Variants in LTBP4 observed in about 807,000 individuals in gnomAD.
The protein encoded by LTBP4 is latent transforming growth factor beta binding protein 4.
Under a neutral mutation model 180.2 loss-of-function variants are expected in LTBP4, and 93 were observed. That is an observed-to-expected ratio of 0.52 (90% CI 0.44 to 0.61). The LOEUF is 0.61. LTBP4 is among the 20% of genes least tolerant of loss of function. LTBP4 has a pLI of 0.00. For synonymous variants in LTBP4, 947 were observed against 934.5 expected (o/e 1.01, Z -0.24); for missense variants, 2,116 against 2,256.5 (o/e 0.94, Z 1.26).
chr19:40,601,615 G>T lies in LTBP4; in HGVS notation c.228G>T (p.Pro76=). The T allele has an allele frequency of 7.3e-7, 1 of 1,375,668 alleles. No homozygotes were observed. The highest frequency in any genetic ancestry group is 9.3e-7 in the Non-Finnish European group (1 of 1,071,726). 85.2% of individuals were successfully genotyped at this position (1,375,668 alleles called of 1,614,324 possible). Residue 76 remains proline (P), a synonymous_variant, in exon 1 of 30, where the codon CCG becomes CCT. Coordinates refer to ENST00000396819, the MANE Select transcript of LTBP4 (RefSeq NM_001042545.2). The part of the protein sequence containing the change: ...VDSGAPGGAA[P]GGPGFRAFLC... ...GCGGCGCTCCCGGCGGGGCGGCCCC[G>T]GGGGGACCCGGCTTCCGCGCCTGTG...
At position 40,627,295 on chromosome 19, in the gene LTBP4, C is replaced by G; in HGVS notation, c.4306C>G (p.Arg1436Gly). ...GPGTRWPYRSRDTRRSFPEPE... is the reference protein window; with the variant it reads ...GPGTRWPYRSGDTRRSFPEPE... ...GGGCACCCGCTGGCCCTATCGGTCC[C>G]GGGACACCCGCCGCTCCTTCCCAGA... Residue 1436 changes from arginine to glycine, a missense_variant, in exon 28 of 30, where the codon CGG (arginine) becomes GGG (glycine). This residue lies in a region of LTBP4 where 488 missense variants were observed against 458.8 expected (regional missense o/e 1.06). Transcript: ENST00000396819. 1 of 1,497,754 alleles carries G rather than the reference C, an allele frequency of 6.7e-7. No individual in the cohort carries two copies. Among genetic ancestry groups the G allele is most frequent in the Non-Finnish European group, 8.9e-7 (1 of 1,124,886 alleles). The allele number at this position is 1,497,754 out of a possible 1,614,324, so 92.8% of individuals were successfully genotyped here. A position where few individuals can be genotyped will look rare whatever the true frequency, so the allele number is the denominator to read the frequency against.
At chr19:40,598,564 C>G (rs62107908), upstream of LTBP4, 6,826 of 153,120 alleles carry the variant, frequency 0.045, 216 homozygotes, top group Non-Finnish European at 0.068. Flanking sequence ...CCTGGTCAGG[C>G]GGGAAACTGA....
upstream of LTBP4, chr19:40,599,360 C>T (rs780533815): frequency 1.7e-5 from 27 of 1,610,068 alleles, no homozygotes; most frequent in Non-Finnish European, 2.3e-5. Context: ...GAGCTGGATG[C>T]ATTTGGTAGA....
In LTBP4 at chr19:40,606,310, G is replaced by C; in HGVS notation, c.868+3G>C. The C allele has an allele frequency of 6.3e-7, 1 of 1,594,628 alleles. No homozygotes were observed. The highest frequency in any genetic ancestry group is 8.6e-7 in the Non-Finnish European group (1 of 1,167,962). Reference sequence around the variant, plus strand: ...AAGAGTTAATGGGTCCTGCGAAGGTGCAACGGGGCAGGGGTGGGAGGGGCT... The same window carrying C: ...AAGAGTTAATGGGTCCTGCGAAGGTCCAACGGGGCAGGGGTGGGAGGGGCT... On this transcript the variant is annotated splice_donor_region_variant and intron_variant, in intron 5 of 29. Transcript: ENST00000396819.
intron 18 of LTBP4, 87 bp downstream of exon 18, chr19:40,614,125 G>T: frequency 2.6e-6 from 4 of 1,555,850 alleles, no homozygotes; most frequent in East Asian, 4.6e-5. Flanking sequence ...TTCCTCCTCC[G>T]CTTCTCCCCT....
In LTBP4 at chr19:40,617,132, G is replaced by A. The variant is rs753565181; in HGVS notation, c.2977G>A (p.Gly993Ser). The A allele has an allele frequency of 2.2e-5, 36 of 1,613,886 alleles. No individual in the cohort carries two copies. The African/African-American group carries it at 2.9e-4, about 13-fold the overall frequency. ...CGAATGCCGGAACCGGTCCTTCTGCGGTGCCCACGCCGTGTGCCAGAACCT... is the reference window on the plus strand; with the variant it reads ...CGAATGCCGGAACCGGTCCTTCTGCAGTGCCCACGCCGTGTGCCAGAACCT... Reference protein sequence around the residue: ...VDECRNRSFCGAHAVCQNLPG... With the variant: ...VDECRNRSFCSAHAVCQNLPG... The change falls in exon 21 of 30, where the codon GGT becomes AGT. Residue 993 changes from glycine (G) to serine (S), a missense_variant. Gly to Ser is a moderately conservative substitution (Grantham distance 56, BLOSUM62 0). This residue lies in a region of LTBP4 where 278 missense variants were observed against 373.0 expected (regional missense o/e 0.75). Transcript: ENST00000396819.
chr19:40,619,567 T>C (rs2081572445), intron 22 of LTBP4, 74 bp downstream of exon 22: 1 of 1,470,884 alleles, frequency 6.8e-7, no homozygotes, highest in African/African-American at 1.4e-5. Context: ...TCATTCCTGA[T>C]GTGGACAGCT....
Position 40,608,496 on chromosome 19 carries a change from C to CGG in LTBP4, c.1319_1320insGG (p.His441AlafsTer304). ...CCTTCTTTATCAGGCTTTCTGCCCA[C>CGG]CCATCGCCTGGAGCCCCGGCCTGAA... On this transcript the variant is annotated frameshift_variant, in exon 9 of 30. Coordinates refer to ENST00000396819, the MANE Select transcript of LTBP4 (RefSeq NM_001042545.2). LOFTEE classifies it high-confidence loss of function. 1 of 1,604,112 alleles carries CGG rather than the reference C, an allele frequency of 6.2e-7. No individual in the cohort carries two copies. Among genetic ancestry groups the CGG allele is most frequent in the Non-Finnish European group, 8.5e-7 (1 of 1,175,630 alleles).
chr19:40,622,935 T>C lies in LTBP4; in HGVS notation c.3485-15T>C. 3 of 1,612,424 alleles carry C rather than the reference T, an allele frequency of 1.9e-6. No individual in the cohort carries two copies. Among genetic ancestry groups the C allele is most frequent in the Non-Finnish European group, 2.5e-6 (3 of 1,179,216 alleles). ...GGGCTCTGGTGTCCTGGCTCAGGCT[T>C]GTCTCTGTGTGTAGCTGAGTACCAG... On this transcript the variant is annotated splice_polypyrimidine_tract_variant and intron_variant, in intron 23 of 29. Transcript: ENST00000396819. This position sits in a 1 kb window ranked among gnomAD's most constrained non-coding sequence, Gnocchi z 5.1.
intron 27 of LTBP4, 121 bp from the exon 28 acceptor site, chr19:40,626,854 C>G: frequency 1.6e-6 from 2 of 1,271,752 alleles, no homozygotes; most frequent in Non-Finnish European, 2.0e-6. Context: ...GCTCCAGAAA[C>G]CCCGGGGCCA....
chr19:40,605,690 C>A lies in LTBP4; in HGVS notation c.690+38C>A. 6.5e-7 allele frequency: 1 copy of A among 1,546,698 alleles called. No individual in the cohort carries two copies. The highest frequency in any genetic ancestry group is 8.7e-7 in the Non-Finnish European group (1 of 1,146,508). On this transcript the variant is annotated intron_variant, in intron 3 of 29. Transcript: ENST00000396819. This position sits in a 1 kb window ranked among gnomAD's most constrained non-coding sequence, Gnocchi z 5.5. ...CCGTGGGGAGGGGCCCGGAGCTTGC[C>A]TCCGCGCGGGGGCGCGCTCACCCAA...
chr19:40,623,573 G>A (rs1568413212), intron 24 of LTBP4, 31 bp from the exon 25 acceptor site: 1 of 1,599,634 alleles, frequency 6.3e-7, no homozygotes, highest in Non-Finnish European at 8.5e-7. Flanking sequence ...CATCCAGCCC[G>A]CCCCCATCTC....
At chr19:40,623,458 A>G in intron 24 of LTBP4, 146 bp from the exon 25 acceptor site, 1 of 1,030,994 alleles carries the variant, frequency 9.7e-7, no homozygotes, top group Non-Finnish European at 1.4e-6. Context: ...TTCAGGCATG[A>G]GCCACCGCTC....
At chr19:40,620,320 C>G (rs545604700) in intron 22 of LTBP4, among the ~76,000 whole-genome samples, 1 of 151,578 alleles carries the variant, frequency 6.6e-6, no homozygotes, top group South Asian at 2.1e-4. Flanking sequence ...CTCACTGCAA[C>G]CTCCACCTCC....
At chr19:40,615,072 G>A (rs998076633) in intron 19 of LTBP4, among the ~76,000 whole-genome samples, 1 of 151,410 alleles carries the variant, frequency 6.6e-6, no homozygotes, top group Non-Finnish European at 1.5e-5. Context: ...CCCGCCCCTT[G>A]CCTTTTCTTA....
At chr19:40,628,921 C>T (rs1222696467) in intron 29 of LTBP4, among the ~76,000 whole-genome samples, 2 of 151,736 alleles carry the variant, frequency 1.3e-5, no homozygotes, top group Non-Finnish European at 2.9e-5. Flanking sequence ...CTGATCTCGG[C>T]TCACAGCAAC....
chr19:40,597,443 G>A (rs2081397331), upstream of LTBP4: 1 of 1,397,158 alleles, frequency 7.2e-7, no homozygotes, highest in Non-Finnish European at 9.3e-7. Context: ...GGAGGACCAC[G>A]GCTTTCGGAT....
At position 40,614,299 on chromosome 19, in the gene LTBP4, C is replaced by T. The variant is rs1434091502; in HGVS notation, c.2681-16C>T. On this transcript the variant is annotated splice_polypyrimidine_tract_variant and intron_variant, in intron 18 of 29. Transcript: ENST00000396819. ...TCCCTGCTTCCCACATCCGACCACCCGACCTCTCTCCTCAGACGTGGACGA... is the reference window on the plus strand; with the variant it reads ...TCCCTGCTTCCCACATCCGACCACCTGACCTCTCTCCTCAGACGTGGACGA... 6.3e-7 allele frequency: 1 copy of T among 1,592,004 alleles called. No individual in the cohort carries two copies.
At chr19:40,621,498 G>A (rs2081585939) in intron 22 of LTBP4, among the ~76,000 whole-genome samples, 1 of 152,238 alleles carries the variant, frequency 6.6e-6, no homozygotes, top group South Asian at 2.1e-4. Context: ...AGGGTTCTAA[G>A]CAGGAAAGAT....
Sources: allele counts gnomAD v4.1 joint callset (sites outside exome capture counted in the v4.1 genomes callset), GRCh38; gene constraint gnomAD v4.1.1; regional missense constraint gnomAD v4.1.1; non-coding constraint Gnocchi (gnomAD v3.1); transcripts MANE v1.5; gene names NCBI Gene and HGNC (gene_info 2026-07-23, HGNC 2026-07-21).